The following KALRN variants were observed in gnomAD, a reference collection of about 807,000 sequenced individuals.
KALRN encodes kalirin RhoGEF kinase.
In KALRN, 70 loss-of-function variants were observed where a neutral mutation model predicts 353.7. The ratio of observed to expected loss-of-function variants is 0.20; its 90% CI spans 0.16 to 0.24. The LOEUF (loss-of-function observed/expected upper bound fraction) is 0.24, where lower values mean the gene tolerates loss of function less well. KALRN is among the 10% of genes least tolerant of loss of function. The probability of loss-of-function intolerance (pLI) is 1.00; values close to 1 mark genes in which losing one functional copy is unlikely to be tolerated. For synonymous variants in KALRN, 1,391 were observed against 1,434.8 expected (o/e 0.97, Z 0.69); for missense variants, 2,791 against 3,756.7 (o/e 0.74, Z 6.72).
At position 124,720,994 on chromosome 3, in the gene KALRN, C is replaced by G. The variant is rs1241680952; in HGVS notation, c.*1524C>G. The stretch of plus-strand genomic sequence containing the variant: ...TCAGGTTTAATGGTGTTGCTTCTCT[C>G]CTATAATGGGATAGAGAAAATTAAA... On this transcript the variant is annotated 3_prime_UTR_variant, in exon 60 of 60. Transcript: ENST00000682506. 1 of 151,992 alleles carries G rather than the reference C, an allele frequency of 6.6e-6. No individual in the cohort carries two copies. The highest frequency in any genetic ancestry group is 1.5e-5 in the Non-Finnish European group (1 of 68,008). The allele number at this position is 151,992 out of a possible 1,614,324, so 9.4% of individuals were successfully genotyped here. A position where few individuals can be genotyped will look rare whatever the true frequency, so the allele number is the denominator to read the frequency against.
chr3:124,607,535 T>A (rs908905606), intron 34 of KALRN, among the ~76,000 whole-genome samples: 6 of 152,252 alleles, frequency 3.9e-5, no homozygotes, highest in Non-Finnish European at 5.9e-5. Context: ...TATGACATAC[T>A]TTTTAAAGTA....
At chr3:124,231,059 C>T (rs977836610) in intron 2 of KALRN, among the ~76,000 whole-genome samples, 6 of 152,220 alleles carry the variant, frequency 3.9e-5, no homozygotes, top group Non-Finnish European at 8.8e-5. Context: ...GTTAATTGAG[C>T]CTGCCCTCCT....
chr3:124,283,573 C>T (rs1267687187), intron 5 of KALRN, among the ~76,000 whole-genome samples: 1 of 152,064 alleles, frequency 6.6e-6, no homozygotes, highest in African/African-American at 2.4e-5. Context: ...CATTCCTTCC[C>T]CACAGGAGGG....
chr3:124,260,170 C>T (rs1054891147), intron 3 of KALRN, among the ~76,000 whole-genome samples: 1 of 152,196 alleles, frequency 6.6e-6, no homozygotes, highest in Non-Finnish European at 1.5e-5. Flanking sequence ...GCTCACATAC[C>T]CTTTGTCTGA....
At chr3:124,446,360 C>T in intron 20 of KALRN, 84 bp downstream of exon 20, 1 of 964,776 alleles carries the variant, frequency 1.0e-6, no homozygotes. Flanking sequence ...AGAAGAGGGC[C>T]ACAGCAGCAG....
chr3:124,146,888 A>AAAAAG (rs2067420716), intron 1 of KALRN, among the ~76,000 whole-genome samples: 1 of 150,786 alleles, frequency 6.6e-6, no homozygotes, highest in African/African-American at 2.4e-5. Context: ...AAAAAAAAAA[A>AAAAAG]AAAAAAGAAA....
At chr3:124,715,594 A>G (rs2150812635) in intron 58 of KALRN, among the ~76,000 whole-genome samples, 1 of 152,234 alleles carries the variant, frequency 6.6e-6, no homozygotes, top group East Asian at 1.9e-4. Flanking sequence ...GAGGAAAGCA[A>G]AAGAGGCTTG....
intron 33 of KALRN, among the ~76,000 whole-genome samples, chr3:124,555,457 ATAAAT>A (rs1196150226): frequency 1.3e-5 from 2 of 149,684 alleles, no homozygotes; most frequent in African/African-American, 5.0e-5. Context: ...AAATAAATAA[ATAAAT>A]AAAGTTATCT....
chr3:124,410,021 A>G (rs776699501), intron 13 of KALRN, among the ~76,000 whole-genome samples: 2 of 152,108 alleles, frequency 1.3e-5, no homozygotes, highest in African/African-American at 2.4e-5. Flanking sequence ...GGGTTCCTCA[A>G]TTCAATGGTG....
intron 3 of KALRN, among the ~76,000 whole-genome samples, chr3:124,238,003 G>C (rs2079995899): frequency 6.6e-6 from 1 of 152,200 alleles, no homozygotes; most frequent in Non-Finnish European, 1.5e-5. Flanking sequence ...AACAGATAGT[G>C]TTGATAATTT....
chr3:124,280,840 T>C (rs1399901280), intron 5 of KALRN, among the ~76,000 whole-genome samples: 1 of 152,148 alleles, frequency 6.6e-6, no homozygotes. Flanking sequence ...CAGTAGTAGT[T>C]ACTGTTTCTC....
intron 48 of KALRN, 118 bp downstream of exon 48, chr3:124,672,016 T>G: frequency 1.3e-6 from 1 of 780,696 alleles, no homozygotes; most frequent in Non-Finnish European, 2.2e-6. Flanking sequence ...TGGCACCATC[T>G]CAGCTCACTG....
At chr3:124,368,288 G>A (rs1236434060) in intron 10 of KALRN, among the ~76,000 whole-genome samples, 6 of 140,148 alleles carry the variant, frequency 4.3e-5, no homozygotes, top group Non-Finnish European at 6.1e-5. Context: ...GGGCGGAGAC[G>A]CTCCTCACTT....
intron 1 of KALRN, among the ~76,000 whole-genome samples, chr3:124,150,769 C>T (rs184881711): frequency 2.0e-4 from 31 of 152,304 alleles, no homozygotes; most frequent in Admixed American, 9.2e-4. Context: ...TACAGCTCCA[C>T]GGATTTTTAC....
intron 1 of KALRN, among the ~76,000 whole-genome samples, chr3:124,090,406 C>T (rs1372193876): frequency 6.6e-6 from 1 of 152,206 alleles, no homozygotes; most frequent in African/African-American, 2.4e-5. Flanking sequence ...CTCCTGCTGC[C>T]TGGCCTGATA....
intron 1 of KALRN, among the ~76,000 whole-genome samples, chr3:124,215,068 G>C (rs1171272665): frequency 6.6e-6 from 1 of 152,170 alleles, no homozygotes; most frequent in Non-Finnish European, 1.5e-5. Flanking sequence ...AGAGGAGTTG[G>C]GAAAAGAAGG....
At chr3:124,290,769 G>T (rs1349758795) in intron 5 of KALRN, among the ~76,000 whole-genome samples, 1 of 152,120 alleles carries the variant, frequency 6.6e-6, no homozygotes, top group Non-Finnish European at 1.5e-5. Flanking sequence ...TATATAAAGT[G>T]CTTAGTACAG....
intron 33 of KALRN, among the ~76,000 whole-genome samples, chr3:124,530,677 G>A (rs944274712): frequency 9.2e-5 from 14 of 152,190 alleles, no homozygotes; most frequent in Admixed American, 6.5e-4. Context: ...GTTGTTTTAA[G>A]AACTGCTAGT....
intron 1 of KALRN, among the ~76,000 whole-genome samples, chr3:124,216,143 G>A (rs1339403862): frequency 1.3e-5 from 2 of 152,184 alleles, no homozygotes; most frequent in Non-Finnish European, 2.9e-5. Context: ...TATTCTTACA[G>A]CACAGGATCT....
Sources: allele counts gnomAD v4.1 joint callset (sites outside exome capture counted in the v4.1 genomes callset), GRCh38; gene constraint gnomAD v4.1.1; transcripts MANE v1.5; gene names NCBI Gene and HGNC (gene_info 2026-07-23, HGNC 2026-07-21).